ERC2: variants seen among roughly 807,000 people sequenced by gnomAD.
ERC2 encodes ELKS/RAB6-interacting/CAST family member 2, also known as ERC protein 2.
Under a neutral mutation model 114.8 loss-of-function variants are expected in ERC2, and 42 were observed. That is an observed-to-expected ratio of 0.37 (90% CI 0.29 to 0.47). The LOEUF (loss-of-function observed/expected upper bound fraction) is 0.47, where lower values mean the gene tolerates loss of function less well. Ranked by LOEUF, ERC2 falls within the 20% of genes least tolerant of loss-of-function variation. ERC2 has a pLI of 0.99. For missense variants in ERC2, 939 were observed against 1,150.7 expected (o/e 0.82, Z 2.66); for synonymous variants, 454 against 425.5 (o/e 1.07, Z -0.82).
intron 17 of ERC2, among the ~76,000 whole-genome samples, chr3:55,570,624 A>G (rs1222679440): frequency 6.6e-6 from 1 of 152,170 alleles, no homozygotes; most frequent in Admixed American, 6.5e-5. Flanking sequence ...TGCCCGGGGA[A>G]GAACAGATGG....
At chr3:55,763,632 A>G (rs2067587657) in intron 14 of ERC2, among the ~76,000 whole-genome samples, 1 of 152,228 alleles carries the variant, frequency 6.6e-6, no homozygotes, top group Non-Finnish European at 1.5e-5. Context: ...CAGCACATAG[A>G]AGTTATTCAG....
chr3:56,116,025 G>A (rs1033207701), intron 6 of ERC2, among the ~76,000 whole-genome samples: 1 of 152,102 alleles, frequency 6.6e-6, no homozygotes, highest in Non-Finnish European at 1.5e-5. Flanking sequence ...CTGGGAAACT[G>A]CTATAAAGGC....
rs115658777 is a variant in ERC2 at position 56,212,656 on chromosome 3, G to A, written c.1075-39136C>T. On this transcript the variant is annotated intron_variant, in intron 3 of 17. Coordinates refer to ENST00000288221, the MANE Select transcript of ERC2 (RefSeq NM_015576.3). ...TACATGAAAAAGATACTTGCCACACGTTTATAGCGGCACAATTTGCAATTG... is the reference window on the plus strand; with the variant it reads ...TACATGAAAAAGATACTTGCCACACATTTATAGCGGCACAATTTGCAATTG... Among the ~76,000 whole-genome samples the A allele has an allele frequency of 3.4e-3, 516 of 152,260 alleles. 2 individuals carry two copies. The highest frequency in any genetic ancestry group is 0.012 in the African/African-American group (486 of 41,562).
chr3:55,882,949 TC>T, intron 14 of ERC2, among the ~76,000 whole-genome samples: 1 of 152,348 alleles, frequency 6.6e-6, no homozygotes, highest in South Asian at 2.1e-4. Context: ...TAAGTGGGAT[TC>T]CAAACCTCTT....
At chr3:56,351,148 C>T (rs2058538511) in intron 2 of ERC2, among the ~76,000 whole-genome samples, 1 of 152,028 alleles carries the variant, frequency 6.6e-6, no homozygotes, top group Non-Finnish European at 1.5e-5. Flanking sequence ...AAACTAACAA[C>T]CCCATTTAAC....
intron 14 of ERC2, among the ~76,000 whole-genome samples, chr3:55,835,803 A>G (rs2060850500): frequency 6.6e-6 from 1 of 152,024 alleles, no homozygotes; most frequent in African/African-American, 2.4e-5. Context: ...GGAAAAGAGG[A>G]AGTCAGATTG....
intron 17 of ERC2, among the ~76,000 whole-genome samples, chr3:55,547,001 T>G (rs771833895): frequency 6.6e-6 from 1 of 152,262 alleles, no homozygotes; most frequent in Non-Finnish European, 1.5e-5. Context: ...CACTCAGCCC[T>G]GGGACTTTGA....
intron 1 of ERC2, among the ~76,000 whole-genome samples, chr3:56,443,567 G>A (rs912318534): frequency 2.6e-5 from 4 of 151,852 alleles, no homozygotes; most frequent in Admixed American, 2.0e-4. Flanking sequence ...ATTCCTACTT[G>A]TTCTGTTGAG....
intron 3 of ERC2, among the ~76,000 whole-genome samples, chr3:56,181,928 C>T (rs1359191406): frequency 6.6e-6 from 1 of 152,224 alleles, no homozygotes; most frequent in Non-Finnish European, 1.5e-5. Flanking sequence ...CCATTCAAGC[C>T]TTCAGATGAC....
At chr3:56,359,781 A>G (rs961539191) in intron 2 of ERC2, among the ~76,000 whole-genome samples, 1 of 149,612 alleles carries the variant, frequency 6.7e-6, no homozygotes, top group African/African-American at 2.6e-5. Flanking sequence ...TATGCAGATC[A>G]CGTGGCAAGA....
At chr3:55,717,821 G>T (rs1221166708) in intron 15 of ERC2, among the ~76,000 whole-genome samples, 1 of 152,144 alleles carries the variant, frequency 6.6e-6, no homozygotes, top group African/African-American at 2.4e-5. Flanking sequence ...GATGGCTCAA[G>T]GTGAGGATAA....
At chr3:56,378,703 C>A (rs1005735815) in intron 2 of ERC2, among the ~76,000 whole-genome samples, 6 of 152,032 alleles carry the variant, frequency 3.9e-5, no homozygotes, top group African/African-American at 1.4e-4. Context: ...TTCATATGTC[C>A]CAAGTTTAGA....
At chr3:55,838,692 T>G (rs1447260440) in intron 14 of ERC2, among the ~76,000 whole-genome samples, 3 of 151,678 alleles carry the variant, frequency 2.0e-5, no homozygotes, top group African/African-American at 7.3e-5. Context: ...AGTTGATAAA[T>G]CTCTAGGCAT....
intron 15 of ERC2, among the ~76,000 whole-genome samples, chr3:55,713,762 A>C (rs2063921512): frequency 6.6e-6 from 1 of 152,132 alleles, no homozygotes; most frequent in Admixed American, 6.5e-5. Context: ...AGGATTCCCT[A>C]ATCAACCTGC....
chr3:55,979,953 T>C (rs1462074624), intron 12 of ERC2, among the ~76,000 whole-genome samples: 2 of 149,292 alleles, frequency 1.3e-5, no homozygotes, highest in African/African-American at 5.0e-5. Flanking sequence ...TTCTTCTTTT[T>C]TTTTCTTTTT....
At position 56,010,452 on chromosome 3, in the gene ERC2, T is replaced by C. The variant is rs2072832940; in HGVS notation, c.1917A>G (p.Lys639=). The change falls in exon 9 of 18, where the codon AAA becomes AAG. Residue 639 remains lysine (K), a synonymous_variant. Transcript: ENST00000288221. ...VNALQAELTE[K]ESSLIDLKEH... is the part of the protein sequence containing the mutation. ...TCATTTGTTTTTCCAGACTCACCTC[T>C]TTCTCAGTCAGTTCAGCCTGTAAAG... 6.2e-7 allele frequency: 1 copy of C among 1,612,818 alleles called. No individual in the cohort carries two copies.
intron 14 of ERC2, among the ~76,000 whole-genome samples, chr3:55,876,311 A>C (rs2062839177): frequency 2.0e-5 from 3 of 151,918 alleles, no homozygotes; most frequent in Admixed American, 2.0e-4. Context: ...AGGCAGAGAA[A>C]CCCTATGAAT....
chr3:56,225,063 C>T (rs2050163301), intron 3 of ERC2, among the ~76,000 whole-genome samples: 1 of 152,092 alleles, frequency 6.6e-6, no homozygotes, highest in African/African-American at 2.4e-5. Flanking sequence ...CTCATCAACA[C>T]CCAGCTCTTC....
At chr3:55,949,771 TAAAG>T (rs1381352912) in intron 13 of ERC2, among the ~76,000 whole-genome samples, 1 of 152,178 alleles carries the variant, frequency 6.6e-6, no homozygotes, top group Non-Finnish European at 1.5e-5. Flanking sequence ...CTGGAATAAA[TAAAG>T]AAACTTCAAA....
Sources: allele counts gnomAD v4.1 joint callset (sites outside exome capture counted in the v4.1 genomes callset), GRCh38; gene constraint gnomAD v4.1.1; transcripts MANE v1.5; gene names NCBI Gene and HGNC (gene_info 2026-07-23, HGNC 2026-07-21).